The following NREP variants were observed in gnomAD, a reference collection of about 807,000 sequenced individuals.
NREP encodes the protein neuronal regeneration-related protein.
In NREP, 5 loss-of-function variants were observed where a neutral mutation model predicts 8.6. The observed-to-expected ratio is 0.58, with a 90% confidence interval of 0.30 to 1.22. NREP has a LOEUF of 1.22. NREP is among the 50% of genes most tolerant of loss of function. The pLI is 0.07. For synonymous variants in NREP, 27 were observed against 28.0 expected (o/e 0.96, Z 0.11); for missense variants, 86 against 82.5 (o/e 1.04, Z -0.17).
chr5:111,743,450 C>G (rs1749809089), intron 2 of NREP, among the ~76,000 whole-genome samples: 1 of 152,144 alleles, frequency 6.6e-6, no homozygotes, highest in Non-Finnish European at 1.5e-5. Flanking sequence ...CATCTGAGTT[C>G]TAAGTCTGGC....
At chr5:111,792,245 C>T (rs912049906) in intron 2 of NREP, among the ~76,000 whole-genome samples, 1 of 152,122 alleles carries the variant, frequency 6.6e-6, no homozygotes, top group African/African-American at 2.4e-5. Context: ...GCATATTAAC[C>T]TACCACACTG....
intron 3 of NREP, chr5:111,733,854 A>G (rs1049936928): frequency 6.6e-6 from 1 of 152,180 alleles, no homozygotes; most frequent in African/African-American, 2.4e-5. Flanking sequence ...GATGACTACT[A>G]GGAAATTAAT....
At chr5:111,955,412 A>G (rs942278900) in intron 2 of NREP, among the ~76,000 whole-genome samples, 6 of 151,616 alleles carry the variant, frequency 4.0e-5, no homozygotes, top group African/African-American at 1.5e-4. Flanking sequence ...CCTTGTATCT[A>G]TAGGTGTTAG....
At chr5:111,903,653 T>C (rs1754705691) in intron 2 of NREP, among the ~76,000 whole-genome samples, 1 of 152,120 alleles carries the variant, frequency 6.6e-6, no homozygotes, top group South Asian at 2.1e-4. Context: ...ATGGTAATTG[T>C]TCCAGAGACA....
intron 2 of NREP, among the ~76,000 whole-genome samples, chr5:111,897,635 C>T (rs1217324821): frequency 6.6e-6 from 1 of 152,086 alleles, no homozygotes; most frequent in Admixed American, 6.6e-5. Flanking sequence ...TTATTTCAAT[C>T]CTACTATGGC....
At chr5:111,802,564 T>A (rs1172233356) in intron 2 of NREP, among the ~76,000 whole-genome samples, 2 of 152,156 alleles carry the variant, frequency 1.3e-5, no homozygotes, top group African/African-American at 4.8e-5. Context: ...AGCATTGTAT[T>A]TTTTTAAAAT....
chr5:111,807,993 T>C (rs1752179077), intron 2 of NREP, among the ~76,000 whole-genome samples: 1 of 152,218 alleles, frequency 6.6e-6, no homozygotes, highest in Non-Finnish European at 1.5e-5. Context: ...GAGGTTTTCC[T>C]TTCTGTGGGG....
intron 2 of NREP, among the ~76,000 whole-genome samples, chr5:111,831,660 ATCT>A (rs1752770910): frequency 6.6e-6 from 1 of 152,190 alleles, no homozygotes; most frequent in Non-Finnish European, 1.5e-5. Context: ...GAAAGGAATC[ATCT>A]TCTCTCAGCC....
At chr5:111,821,731 C>T (rs1302490894) in intron 2 of NREP, among the ~76,000 whole-genome samples, 2 of 152,158 alleles carry the variant, frequency 1.3e-5, no homozygotes, top group Non-Finnish European at 2.9e-5. Context: ...CTCCCTTTCT[C>T]TCTTCACCAA....
chr5:111,848,832 T>C (rs1159725278), intron 2 of NREP, among the ~76,000 whole-genome samples: 2 of 151,922 alleles, frequency 1.3e-5, no homozygotes, highest in Non-Finnish European at 2.9e-5. Context: ...AGTTCCTCAT[T>C]ATGTAGCAGA....
intron 2 of NREP, among the ~76,000 whole-genome samples, chr5:111,767,320 C>T (rs1212875249): frequency 2.0e-5 from 3 of 152,038 alleles, no homozygotes; most frequent in Admixed American, 6.6e-5. Context: ...TATTAGTTTC[C>T]GAAGAATCTA....
At chr5:111,869,806 A>G (rs1488978184) in intron 2 of NREP, among the ~76,000 whole-genome samples, 1 of 152,214 alleles carries the variant, frequency 6.6e-6, no homozygotes, top group Non-Finnish European at 1.5e-5. Flanking sequence ...TTAACTGATG[A>G]AAGAGTAGGT....
intron 2 of NREP, among the ~76,000 whole-genome samples, chr5:111,895,058 CT>C (rs1754475991): frequency 1.3e-5 from 2 of 152,152 alleles, no homozygotes; most frequent in African/African-American, 4.8e-5. Flanking sequence ...CTTTATGCTG[CT>C]AATACTAGGA....
intron 2 of NREP, among the ~76,000 whole-genome samples, chr5:111,974,740 A>C (rs556233829): frequency 7.9e-5 from 12 of 152,242 alleles, no homozygotes; most frequent in Non-Finnish European, 1.6e-4. Flanking sequence ...AAAATGAGTT[A>C]TTATATTTAA....
intron 2 of NREP, among the ~76,000 whole-genome samples, chr5:111,884,473 A>G (rs934096357): frequency 6.6e-6 from 1 of 152,280 alleles, no homozygotes; most frequent in East Asian, 1.9e-4. Flanking sequence ...AACTCATTTT[A>G]TGAGGCCAGC....
chr5:111,967,564 G>A (rs1394087714), intron 2 of NREP, among the ~76,000 whole-genome samples: 1 of 152,170 alleles, frequency 6.6e-6, no homozygotes, highest in Non-Finnish European at 1.5e-5. Flanking sequence ...AATCACCATA[G>A]CTTCTTTGCT....
chr5:111,829,745 C>T (rs1752718230), intron 2 of NREP, among the ~76,000 whole-genome samples: 1 of 152,166 alleles, frequency 6.6e-6, no homozygotes, highest in Admixed American at 6.5e-5. Flanking sequence ...ACTCACCCTG[C>T]TATTTTTCTG....
chr5:111,918,187 A>T (rs139557226), intron 2 of NREP, among the ~76,000 whole-genome samples: 172 of 152,262 alleles, frequency 1.1e-3, no homozygotes, highest in African/African-American at 4.0e-3. Flanking sequence ...ACTACAAACC[A>T]CTGCTCAAGG....
chr5:111,931,175 G>T (rs1417162632), intron 2 of NREP, among the ~76,000 whole-genome samples: 1 of 151,914 alleles, frequency 6.6e-6, no homozygotes, highest in Non-Finnish European at 1.5e-5. Flanking sequence ...ACAATTCTTT[G>T]ATTCTCTTTC....
Sources: allele counts gnomAD v4.1 joint callset (sites outside exome capture counted in the v4.1 genomes callset), GRCh38; gene constraint gnomAD v4.1.1; transcripts MANE v1.5; gene names NCBI Gene and HGNC (gene_info 2026-07-23, HGNC 2026-07-21).